Variants in LASP1 observed in about 807,000 individuals in gnomAD.
The protein encoded by LASP1 is LIM and SH3 protein 1.
In LASP1, 10 loss-of-function variants were observed where a neutral mutation model predicts 38.6. The observed-to-expected ratio is 0.26, with a 90% confidence interval of 0.16 to 0.44. The LOEUF is 0.44. Among genes scored for constraint, LASP1 ranks in the 20% least tolerant of loss-of-function variants. LASP1 has a pLI of 1.00. For synonymous variants in LASP1, 132 were observed against 140.8 expected, an observed-to-expected ratio of 0.94 and a Z score of 0.44; for missense variants, 243 against 375.7, an observed-to-expected ratio of 0.65 and a Z score of 2.92.
chr17:38,920,453 C>T lies in LASP1; in HGVS notation c.*1675C>T, dbSNP rs776847859. ...TGGGTGGCTGTGACAACCCTGGCCT[C>T]ACTTGATTCATCTCTGGTTTTCTTG... On this transcript the variant is annotated 3_prime_UTR_variant, in exon 7 of 7. Transcript: ENST00000318008. 1 of 268,732 alleles carries T rather than the reference C, an allele frequency of 3.7e-6. No homozygotes were observed. Among genetic ancestry groups the T allele is most frequent in the Non-Finnish European group, 7.3e-6 (1 of 137,388 alleles). The allele number at this position is 268,732 out of a possible 1,614,324, so 16.6% of individuals were successfully genotyped here. A position where few individuals can be genotyped will look rare whatever the true frequency, so the allele number is the denominator to read the frequency against.
intron 4 of LASP1, among the ~76,000 whole-genome samples, chr17:38,906,157 C>T (rs577592976): frequency 7.2e-5 from 11 of 152,290 alleles, no homozygotes; most frequent in African/African-American, 2.6e-4. Context: ...TGGATTCTGA[C>T]TTAACCCACT....
At chr17:38,883,049 G>T (rs773251593) in intron 2 of LASP1, among the ~76,000 whole-genome samples, 1 of 152,086 alleles carries the variant, frequency 6.6e-6, no homozygotes, top group Non-Finnish European at 1.5e-5. Context: ...ACAAGGCTGG[G>T]TGCTTAAGTG....
intron 4 of LASP1, among the ~76,000 whole-genome samples, chr17:38,909,572 A>T (rs997333332): frequency 6.6e-6 from 1 of 151,346 alleles, no homozygotes; most frequent in African/African-American, 2.4e-5. Flanking sequence ...GTGTCACTGC[A>T]CTCCAGCCTG....
chr17:38,874,413 G>A (rs2143723563), intron 1 of LASP1, among the ~76,000 whole-genome samples: 1 of 152,234 alleles, frequency 6.6e-6, no homozygotes, highest in Admixed American at 6.5e-5. Flanking sequence ...TAGGGTCCAG[G>A]CTTGGCTCAC....
intron 1 of LASP1, among the ~76,000 whole-genome samples, chr17:38,873,091 A>T (rs1358609792): frequency 6.6e-6 from 1 of 151,902 alleles, no homozygotes; most frequent in African/African-American, 2.4e-5. Context: ...GTTGTCAAGA[A>T]CCTCGCCACG....
intron 4 of LASP1, among the ~76,000 whole-genome samples, chr17:38,909,801 A>G (rs1307085440): frequency 1.3e-5 from 2 of 152,082 alleles, no homozygotes; most frequent in Non-Finnish European, 2.9e-5. Flanking sequence ...AGGCTGGAGT[A>G]CAGTGGCTCG....
At chr17:38,907,291 C>T (rs1219896823) in intron 4 of LASP1, among the ~76,000 whole-genome samples, 1 of 152,088 alleles carries the variant, frequency 6.6e-6, no homozygotes, top group Admixed American at 6.6e-5. Flanking sequence ...CCTGGTGTCC[C>T]TCTCTCTCGA....
intron 4 of LASP1, among the ~76,000 whole-genome samples, chr17:38,911,439 A>G (rs1455287308): frequency 1.3e-5 from 1 of 76,180 alleles, no homozygotes; most frequent in Non-Finnish European, 2.6e-5. Flanking sequence ...GGGATATGAC[A>G]TTGACTACCT....
intron 4 of LASP1, chr17:38,898,821 G>T (rs562848411): frequency 6.1e-6 from 3 of 489,320 alleles, no homozygotes; most frequent in African/African-American, 5.8e-5. Flanking sequence ...CGTGGGTATC[G>T]GTGAAGACTG....
rs149131868 is a variant in LASP1 at position 38,880,990 on chromosome 17, C to G, written c.164+2810C>G. Among the ~76,000 whole-genome samples, 79 of 152,292 alleles carry G rather than the reference C, an allele frequency of 5.2e-4. No individual in the cohort carries two copies. In the East Asian group the frequency reaches 0.014, roughly 28 times the overall value. On this transcript the variant is annotated intron_variant, in intron 2 of 6. Coordinates refer to ENST00000318008, the MANE Select transcript of LASP1 (RefSeq NM_006148.4). ...TGGTGGTGGGCACCTATAATCCCAG[C>G]TACTCAGGAGGCTGAGGCAGGAGAA... is the stretch of plus-strand genomic sequence containing the variant.
At position 38,919,033 on chromosome 17, in the gene LASP1, A is replaced by AGGGCGAGGCCTGTGG. The variant is rs11270367; in HGVS notation, c.*257_*258insGCGAGGCCTGTGGGG. 5.8e-4 allele frequency: 307 copies of AGGGCGAGGCCTGTGG among 532,820 alleles called. 7 individuals carry two copies. Among genetic ancestry groups the AGGGCGAGGCCTGTGG allele is most frequent in the Middle Eastern group, 5.1e-3 (18 of 3,564 alleles). 33.0% of individuals were successfully genotyped at this position (532,820 alleles called of 1,614,324 possible). ...GAACGGGCATGGGCCTCTCTGGGGG[A>AGGGCGAGGCCTGTGG]GGCAGGGCTGGAATGGGAGACCTGT... On this transcript the variant is annotated 3_prime_UTR_variant, in exon 7 of 7. Transcript: ENST00000318008.
chr17:38,914,013 A>G (rs1915035607), intron 4 of LASP1, among the ~76,000 whole-genome samples: 1 of 151,948 alleles, frequency 6.6e-6, no homozygotes, highest in Non-Finnish European at 1.5e-5. Context: ...AAAAAAAAAA[A>G]AAAAGAAAAG....
chr17:38,901,053 G>A (rs577429140), intron 4 of LASP1, among the ~76,000 whole-genome samples: 1 of 152,348 alleles, frequency 6.6e-6, no homozygotes, highest in East Asian at 1.9e-4. Context: ...CAGCCTCTGC[G>A]GCTTTTCATG....
At chr17:38,891,623 A>T (rs1259939863) in intron 3 of LASP1, among the ~76,000 whole-genome samples, 4 of 152,118 alleles carry the variant, frequency 2.6e-5, no homozygotes, top group Non-Finnish European at 5.9e-5. Flanking sequence ...CCGGCGTGTG[A>T]GCTCGTTTAA....
At chr17:38,876,793 C>T (rs1304117186) in intron 1 of LASP1, among the ~76,000 whole-genome samples, 1 of 151,130 alleles carries the variant, frequency 6.6e-6, no homozygotes, top group East Asian at 1.9e-4. Flanking sequence ...AGTGCAGTGG[C>T]CTGGGTTCAC....
intron 4 of LASP1, among the ~76,000 whole-genome samples, chr17:38,901,501 G>A (rs1255738338): frequency 6.6e-5 from 10 of 152,188 alleles, no homozygotes; most frequent in East Asian, 1.9e-4. Context: ...ACAGTCTGTC[G>A]GATATGGGCC....
chr17:38,915,922 A>C (rs1445210224), intron 6 of LASP1: 1 of 152,290 alleles, frequency 6.6e-6, no homozygotes, highest in Non-Finnish European at 1.5e-5. Flanking sequence ...ACAGATACTT[A>C]GAGAGATAAA....
chr17:38,900,149 G>C lies in LASP1; in HGVS notation c.357+1630G>C, dbSNP rs146504246. Among the ~76,000 whole-genome samples the C allele has an allele frequency of 1.0e-4, 14 of 134,858 alleles. No homozygotes were observed. In the East Asian group the frequency reaches 3.0e-3, roughly 29 times the overall value. 88.5% of individuals were successfully genotyped at this position (134,858 alleles called of 152,430 possible). On this transcript the variant is annotated intron_variant, in intron 4 of 6. Coordinates refer to ENST00000318008, the MANE Select transcript of LASP1 (RefSeq NM_006148.4). ...AGACTGAGGTGGGAGGATTGCTTGA[G>C]CCCAGGAGTTTGAGACTAGCCTGGG...
chr17:38,885,531 AC>A (rs1914094626), intron 2 of LASP1, among the ~76,000 whole-genome samples: 1 of 152,136 alleles, frequency 6.6e-6, no homozygotes, highest in Admixed American at 6.5e-5. Context: ...TGGGTGGGGC[AC>A]CTGCAGAGAG....
Sources: gnomAD v4.1 joint callset for allele counts (sites outside exome capture counted in the v4.1 genomes callset) on GRCh38, gnomAD v4.1.1 for gene constraint, MANE v1.5 for transcripts, NCBI Gene and HGNC (gene_info 2026-07-23, HGNC 2026-07-21) for gene names.